The following FCMR variants were observed in gnomAD, a reference collection of about 807,000 sequenced individuals.
The protein encoded by FCMR is immunoglobulin mu Fc receptor.
A neutral mutation model predicts 41.6 loss-of-function variants in FCMR; 34 were observed. The ratio of observed to expected loss-of-function variants is 0.82; its 90% CI spans 0.62 to 1.09. The LOEUF (loss-of-function observed/expected upper bound fraction) is 1.09, where lower values mean the gene tolerates loss of function less well. FCMR is among the 50% of genes least tolerant of loss of function. The probability of loss-of-function intolerance (pLI) is 0.00; values close to 1 mark genes in which losing one functional copy is unlikely to be tolerated. For synonymous variants in FCMR, 209 were observed against 211.8 expected (o/e 0.99, Z 0.12); for missense variants, 496 against 512.5 (o/e 0.97, Z 0.31).
intron 7 of FCMR, among the ~76,000 whole-genome samples, chr1:206,908,487 G>T (rs1678777421): frequency 6.6e-6 from 1 of 152,178 alleles, no homozygotes; most frequent in Non-Finnish European, 1.5e-5. Context: ...AAAGGAGTCG[G>T]AAGACTAATT....
intron 7 of FCMR, among the ~76,000 whole-genome samples, chr1:206,905,606 G>T (rs1678603443): frequency 6.6e-6 from 1 of 152,136 alleles, no homozygotes; most frequent in Non-Finnish European, 1.5e-5. Flanking sequence ...GATGGTGAAG[G>T]GGATAAGATG....
intron 1 of FCMR, 96 bp downstream of exon 1, chr1:206,921,722 C>A: frequency 8.3e-7 from 1 of 1,211,494 alleles, no homozygotes; most frequent in Non-Finnish European, 1.2e-6. Context: ...TGAATCCATC[C>A]AGAAACATCA....
Position 206,904,537 on chromosome 1 carries a change from G to A in FCMR, c.*482C>T, listed in dbSNP as rs1678535909. On this transcript the variant is annotated 3_prime_UTR_variant, in exon 8 of 8. Transcript: ENST00000367091. Reference sequence around the variant, plus strand: ...CGTTTCCAGGAGTGTTTTTATACCAGACCCCTGCTTAGTCCATGGGGCTGA... The same window carrying A: ...CGTTTCCAGGAGTGTTTTTATACCAAACCCCTGCTTAGTCCATGGGGCTGA... The A allele has an allele frequency of 6.2e-6, 1 of 162,260 alleles. No homozygotes were observed. Among genetic ancestry groups the A allele is most frequent in the Non-Finnish European group, 1.4e-5 (1 of 73,062 alleles). The allele number at this position is 162,260 out of a possible 1,614,324, so 10.1% of individuals were successfully genotyped here. A position where few individuals can be genotyped will look rare whatever the true frequency, so the allele number is the denominator to read the frequency against.
At chr1:206,912,674 G>C (rs1181574068) in intron 3 of FCMR, among the ~76,000 whole-genome samples, 1 of 152,212 alleles carries the variant, frequency 6.6e-6, no homozygotes, top group Non-Finnish European at 1.5e-5. Context: ...AAACATCATT[G>C]CTTGTGGTGC....
intron 3 of FCMR, 25 bp downstream of exon 3, chr1:206,912,904 C>T (rs781213334): frequency 1.0e-5 from 15 of 1,488,174 alleles, no homozygotes; most frequent in Non-Finnish European, 1.2e-5. Flanking sequence ...ACCCACCTCT[C>T]CTACCCTTGC....
chr1:206,905,166 G>A lies in FCMR; in HGVS notation c.1045-19C>T. The A allele has an allele frequency of 1.2e-6, 2 of 1,613,866 alleles. No individual in the cohort carries two copies. Among genetic ancestry groups the A allele is most frequent in the African/African-American group, 1.3e-5 (1 of 75,008 alleles). ...CAGACACCTGGGGACAATGAAAGAA[G>A]CATCACTGGATCTGGGTAGGGTGAT... On this transcript the variant is annotated intron_variant, in intron 7 of 7. Coordinates refer to ENST00000367091, the MANE Select transcript of FCMR (RefSeq NM_005449.5).
At chr1:206,911,652 A>G in intron 4 of FCMR, 78 bp downstream of exon 4, 2 of 1,349,166 alleles carry the variant, frequency 1.5e-6, no homozygotes, top group East Asian at 2.3e-5. Context: ...GAGGGTGTCT[A>G]ATAATGGACA....
chr1:206,917,669 C>T, intron 1 of FCMR: 1 of 364,210 alleles, frequency 2.7e-6, no homozygotes, highest in Non-Finnish European at 5.3e-6. Flanking sequence ...CTCTGTCACC[C>T]AGGCTGGGGT....
chr1:206,913,097 G>A, intron 2 of FCMR, 55 bp from the exon 3 acceptor site: 1 of 1,367,720 alleles, frequency 7.3e-7, no homozygotes, highest in Non-Finnish European at 1.0e-6. Context: ...CTGAGGCTTG[G>A]GTGTAAACTG....
upstream of FCMR, among the ~76,000 whole-genome samples, chr1:206,922,501 T>A (rs1017146972): frequency 6.6e-6 from 1 of 152,252 alleles, no homozygotes; most frequent in African/African-American, 2.4e-5. Flanking sequence ...AAGCTGGGAC[T>A]AGATGATCCC....
At chr1:206,914,189 G>T (rs1375432496) in intron 1 of FCMR, 95 bp from the exon 2 acceptor site, 1 of 943,082 alleles carries the variant, frequency 1.1e-6, no homozygotes, top group Non-Finnish European at 1.6e-6. Flanking sequence ...TCCAACCCTA[G>T]CCCAGGCCCC....
At position 206,912,989 on chromosome 1, in the gene FCMR, G is replaced by A. The variant is rs141485983; in HGVS notation, c.427C>T (p.His143Tyr). Residue 143 changes from histidine to tyrosine, a missense_variant, in exon 3 of 8, where the codon CAT becomes TAT. By Grantham distance (83) the His-to-Tyr change is moderately conservative. Coordinates refer to ENST00000367091, the MANE Select transcript of FCMR (RefSeq NM_005449.5). ...QPMPETPKWF[H>Y]LPYLFQMPAY... ...GGCATCTGGAACAAATAGGGCAGAT[G>A]AAACCATTTTGGAGTCTCAGGCATT... is the stretch of plus-strand genomic sequence containing the variant. 1.3e-4 allele frequency: 210 copies of A among 1,614,000 alleles called. No individual in the cohort carries two copies. Among genetic ancestry groups the A allele is most frequent in the Middle Eastern group, 3.3e-4 (2 of 6,060 alleles).
chr1:206,913,187 G>C, intron 2 of FCMR, 145 bp from the exon 3 acceptor site: 2 of 668,176 alleles, frequency 3.0e-6, no homozygotes, highest in Admixed American at 4.3e-5. Flanking sequence ...GAGCTGGGTT[G>C]GGGGCTTCCC....
At chr1:206,906,270 A>G (rs188334) in intron 7 of FCMR, 126,353 of 333,270 alleles carry the variant, frequency 0.38, 25,969 homozygotes, top group Middle Eastern at 0.49. Context: ...TCAAGATAAA[A>G]TTTCCAGGGT....
chr1:206,910,176 G>A, intron 5 of FCMR, 34 bp downstream of exon 5: 1 of 1,557,356 alleles, frequency 6.4e-7, no homozygotes, highest in Non-Finnish European at 8.7e-7. Context: ...TCTTTGGGCA[G>A]CTCAGCTCTC....
In FCMR at chr1:206,909,805, G is replaced by T; in HGVS notation, c.905C>A (p.Pro302His). 7.0e-7 allele frequency: 1 copy of T among 1,430,998 alleles called. No homozygotes were observed. The allele number at this position is 1,430,998 out of a possible 1,614,324, so 88.6% of individuals were successfully genotyped here. ...RMRALESSQR[P>H]RGSPRPRSQN... ...GGAGCGCGGTCGCGGCGACCCGCGG[G>T]GCCTCTGGGAGCTCTCCAGGGCGCG... The change falls in exon 6 of 8, where the codon CCC becomes CAC. Residue 302 changes from proline (P) to histidine (H), a missense_variant. By Grantham distance (77) the Pro-to-His change is moderately conservative. Transcript: ENST00000367091. The surrounding 1 kb of genome is among the most constrained non-coding windows in gnomAD (Gnocchi z 5.0).
At position 206,914,349 on chromosome 1, in the gene FCMR, CCTTCCTTT is replaced by C. The variant is rs1219210376; in HGVS notation, c.38-263_38-256del. ...TCCTTCCTTCCTTCCTTCCTTCCTTCCTTCCTTTCTTTCTTTTTCTTTCCCTTCCTTCC... is the reference window on the plus strand; with the variant it reads ...TCCTTCCTTCCTTCCTTCCTTCCTTCCTTTCTTTTTCTTTCCCTTCCTTCC... On this transcript the variant is annotated intron_variant, in intron 1 of 7. Transcript: ENST00000367091. 4.0e-5 allele frequency among the ~76,000 whole-genome samples: 5 copies of C among 125,006 alleles called. No homozygotes were observed. The East Asian group carries it at 7.9e-4, about 20-fold the overall frequency. 82.0% of individuals were successfully genotyped at this position (125,006 alleles called of 152,430 possible).
intron 1 of FCMR, among the ~76,000 whole-genome samples, chr1:206,919,439 T>C (rs1679341014): frequency 1.3e-5 from 2 of 151,978 alleles, no homozygotes; most frequent in African/African-American, 4.8e-5. Context: ...CTATTAAAAA[T>C]ACAAAAATTA....
chr1:206,914,218 T>C, intron 1 of FCMR, 124 bp from the exon 2 acceptor site: 1 of 684,782 alleles, frequency 1.5e-6, no homozygotes, highest in Non-Finnish European at 2.5e-6. Flanking sequence ...CTCACATTCA[T>C]CCCCAGATCC....
Sources: gnomAD v4.1 joint callset for allele counts (sites outside exome capture counted in the v4.1 genomes callset) on GRCh38, gnomAD v4.1.1 for gene constraint, Gnocchi (gnomAD v3.1) non-coding constraint, MANE v1.5 for transcripts, NCBI Gene and HGNC (gene_info 2026-07-23, HGNC 2026-07-21) for gene names.